Variants in CHN1 observed in about 807,000 individuals in gnomAD.
CHN1 encodes N-chimaerin.
A neutral mutation model predicts 59.5 loss-of-function variants in CHN1; 37 were observed. That is an observed-to-expected ratio of 0.62 (90% CI 0.48 to 0.82). The LOEUF (loss-of-function observed/expected upper bound fraction) is 0.82, where lower values mean the gene tolerates loss of function less well. Ranked by LOEUF, CHN1 falls within the 40% of genes least tolerant of loss-of-function variation. The pLI, the probability that CHN1 is intolerant of heterozygous loss-of-function variation, is 0.00. For missense variants in CHN1, 469 were observed against 571.0 expected, an observed-to-expected ratio of 0.82 and a Z score of 1.82; for synonymous variants, 206 against 200.4, an observed-to-expected ratio of 1.03 and a Z score of -0.24.
At chr2:174,858,471 G>A (rs1479078683) in intron 6 of CHN1, among the ~76,000 whole-genome samples, 1 of 152,074 alleles carries the variant, frequency 6.6e-6, no homozygotes, top group Non-Finnish European at 1.5e-5. Flanking sequence ...GTACAAGCAT[G>A]GGCATAAATC....
At chr2:174,956,272 A>G (rs539181213) in intron 1 of CHN1, among the ~76,000 whole-genome samples, 1 of 152,326 alleles carries the variant, frequency 6.6e-6, no homozygotes, top group South Asian at 2.1e-4. Context: ...AAGGAAAGAT[A>G]AAGACTTTCT....
At position 174,933,948 on chromosome 2, in the gene CHN1, G is replaced by C. The variant is rs143906541; in HGVS notation, c.114+10940C>G. On this transcript the variant is annotated intron_variant, in intron 3 of 12. Coordinates refer to ENST00000409900, the MANE Select transcript of CHN1 (RefSeq NM_001822.7). ...GTTCTCTTCTGATGGCTTTAAGCAG[G>C]AGTAAAGTAGGATACAAAATTATGA... Among the ~76,000 whole-genome samples the C allele has an allele frequency of 5.3e-5, 8 of 152,242 alleles. No homozygotes were observed. In the East Asian group the frequency reaches 1.5e-3, roughly 29 times the overall value.
At chr2:174,825,908 T>C (rs1248876485) in intron 7 of CHN1, among the ~76,000 whole-genome samples, 1 of 152,238 alleles carries the variant, frequency 6.6e-6, no homozygotes, top group Non-Finnish European at 1.5e-5. Flanking sequence ...CCATTGGTTG[T>C]CTGACAAATC....
At chr2:174,806,574 G>T (rs899516907) in intron 11 of CHN1, among the ~76,000 whole-genome samples, 3 of 152,070 alleles carry the variant, frequency 2.0e-5, no homozygotes, top group Non-Finnish European at 4.4e-5. Context: ...TGACAGAGTG[G>T]GTAAAGCAAG....
At chr2:174,878,224 TTTTG>T in intron 5 of CHN1, 96 bp from the exon 6 acceptor site, 1 of 1,128,632 alleles carries the variant, frequency 8.9e-7, no homozygotes, top group Non-Finnish European at 1.2e-6. Context: ...TATCGCTTTG[TTTTG>T]TGTGTGTCTT....
intron 5 of CHN1, among the ~76,000 whole-genome samples, chr2:174,903,756 C>T (rs1010208730): frequency 1.3e-5 from 2 of 151,960 alleles, no homozygotes; most frequent in Non-Finnish European, 2.9e-5. Context: ...ACCAAGTGAT[C>T]GTATAATGGG....
intron 4 of CHN1, among the ~76,000 whole-genome samples, chr2:174,917,412 C>T (rs896269968): frequency 2.7e-5 from 4 of 150,516 alleles, no homozygotes; most frequent in African/African-American, 4.9e-5. Flanking sequence ...CCAGCCTGGG[C>T]GACAAAAGCG....
chr2:174,882,437 A>G (rs573856850), intron 5 of CHN1, among the ~76,000 whole-genome samples: 4 of 152,354 alleles, frequency 2.6e-5, no homozygotes, highest in East Asian at 3.8e-4. Flanking sequence ...CAAATAAATC[A>G]TATCGACAAA....
chr2:174,845,594 A>T (rs546128632), intron 7 of CHN1, among the ~76,000 whole-genome samples: 3 of 152,132 alleles, frequency 2.0e-5, no homozygotes, highest in Non-Finnish European at 2.9e-5. Flanking sequence ...GTTGAAAGGT[A>T]AGGTCCTTAA....
chr2:174,812,071 T>C lies in CHN1; in HGVS notation c.886+238A>G, dbSNP rs567499752. 5 of 373,124 alleles carry C rather than the reference T, an allele frequency of 1.3e-5. No individual in the cohort carries two copies. The South Asian group carries it at 6.6e-4, about 50-fold the overall frequency. The allele number at this position is 373,124 out of a possible 1,614,324, so 23.1% of individuals were successfully genotyped here. A position where few individuals can be genotyped will look rare whatever the true frequency, so the allele number is the denominator to read the frequency against. ...CAACTTTTGCAGACTGGAAGCATCA[T>C]CTATAAATATATTTTTATACAAGCA... On this transcript the variant is annotated intron_variant, in intron 9 of 12. Transcript: ENST00000409900.
chr2:174,868,815 AATCTAAATG>A (rs991764437), intron 6 of CHN1, among the ~76,000 whole-genome samples: 2 of 152,194 alleles, frequency 1.3e-5, no homozygotes, highest in African/African-American at 4.8e-5. Context: ...TAAGGAGAGA[AATCTAAATG>A]TTGTAGTGGT....
chr2:174,980,544 CAATTCTTCAATTCCT>C, intron 1 of CHN1, among the ~76,000 whole-genome samples: 1 of 152,052 alleles, frequency 6.6e-6, no homozygotes. Flanking sequence ...TGGTTAAAAA[CAATTCTTCAATTCCT>C]AATTGAAGAA....
chr2:174,912,100 G>A (rs559473945), intron 5 of CHN1, among the ~76,000 whole-genome samples: 47 of 152,006 alleles, frequency 3.1e-4, no homozygotes, highest in African/African-American at 1.1e-3. Context: ...CAGGGTCCAA[G>A]AAAAGTGAAA....
At chr2:174,843,284 G>C (rs1289693430) in intron 7 of CHN1, among the ~76,000 whole-genome samples, 1 of 152,010 alleles carries the variant, frequency 6.6e-6, no homozygotes, top group African/African-American at 2.4e-5. Context: ...TTGTTGCCCA[G>C]GCTGGAGTTC....
chr2:174,847,441 T>C (rs1574084485), intron 6 of CHN1: 1 of 1,194,526 alleles, frequency 8.4e-7, no homozygotes, highest in Non-Finnish European at 1.0e-6. Flanking sequence ...GCATCTCTCT[T>C]TATCATTTTT....
intron 1 of CHN1, among the ~76,000 whole-genome samples, chr2:174,960,682 C>T (rs1452635222): frequency 6.6e-6 from 1 of 151,816 alleles, no homozygotes. Context: ...ATCAGCCAGG[C>T]GTGGTGGTGC....
chr2:174,841,878 T>C (rs1686315488), intron 7 of CHN1, among the ~76,000 whole-genome samples: 1 of 152,334 alleles, frequency 6.6e-6, no homozygotes, highest in South Asian at 2.1e-4. Flanking sequence ...TACCTTCATT[T>C]ACAATACCAT....
intron 5 of CHN1, among the ~76,000 whole-genome samples, chr2:174,903,859 T>G (rs1688462089): frequency 6.6e-6 from 1 of 152,180 alleles, no homozygotes; most frequent in Non-Finnish European, 1.5e-5. Context: ...TGAGAATAAG[T>G]TGGAATAAAC....
chr2:174,948,322 C>G (rs923556613), intron 2 of CHN1, among the ~76,000 whole-genome samples: 1 of 152,130 alleles, frequency 6.6e-6, no homozygotes, highest in Non-Finnish European at 1.5e-5. Flanking sequence ...TAATTTTGAG[C>G]TACTCTCTAC....
Sources: allele counts gnomAD v4.1 joint callset (sites outside exome capture counted in the v4.1 genomes callset), GRCh38; gene constraint gnomAD v4.1.1; transcripts MANE v1.5; gene names NCBI Gene and HGNC (gene_info 2026-07-23, HGNC 2026-07-21).